Variants in NKAIN2 observed in about 807,000 individuals in gnomAD.
NKAIN2 encodes sodium/potassium transporting ATPase interacting 2, also known as sodium/potassium-transporting ATPase subunit beta-1-interacting protein 2.
NKAIN2 carries 14 observed loss-of-function variants against 32.6 expected under a neutral mutation model. The ratio of observed to expected loss-of-function variants is 0.43; its 90% CI spans 0.28 to 0.67. NKAIN2 has a LOEUF of 0.67. Ranked by LOEUF, NKAIN2 falls within the 30% of genes least tolerant of loss-of-function variation. The pLI, the probability that NKAIN2 is intolerant of heterozygous loss-of-function variation, is 0.17. For missense variants in NKAIN2, 198 were observed against 258.3 expected (o/e 0.77, Z 1.60); for synonymous variants, 80 against 87.2 (o/e 0.92, Z 0.46).
intron 1 of NKAIN2, among the ~76,000 whole-genome samples, chr6:124,077,155 G>T (rs750209961): frequency 6.6e-6 from 1 of 152,160 alleles, no homozygotes. Context: ...ATCAGTTACT[G>T]TTTTGTGCTG....
chr6:124,259,962 AT>A (rs2114838774), intron 1 of NKAIN2, among the ~76,000 whole-genome samples: 1 of 152,332 alleles, frequency 6.6e-6, no homozygotes, highest in African/African-American at 2.4e-5. Flanking sequence ...AATGATTAAT[AT>A]TCTTTATTGA....
intron 3 of NKAIN2, among the ~76,000 whole-genome samples, chr6:124,618,592 GGTT>G (rs1198212301): frequency 1.3e-5 from 2 of 152,156 alleles, no homozygotes; most frequent in African/African-American, 4.8e-5. Context: ...TGCTTTGTAA[GGTT>G]GTTCTCCAAA....
chr6:124,238,187 G>A (rs1259079982), intron 1 of NKAIN2, among the ~76,000 whole-genome samples: 2 of 152,028 alleles, frequency 1.3e-5, no homozygotes, highest in Non-Finnish European at 2.9e-5. Flanking sequence ...AGAAAAACAG[G>A]AAGGAGCAGG....
intron 3 of NKAIN2, among the ~76,000 whole-genome samples, chr6:124,533,051 A>G (rs1442934284): frequency 3.3e-5 from 5 of 152,010 alleles, no homozygotes; most frequent in African/African-American, 9.7e-5. Context: ...GTTTTGATGT[A>G]GGTGTTTTCT....
At chr6:124,643,845 C>G (rs1383605601) in intron 3 of NKAIN2, among the ~76,000 whole-genome samples, 3 of 152,180 alleles carry the variant, frequency 2.0e-5, no homozygotes, top group African/African-American at 4.8e-5. Flanking sequence ...AATTGCAACT[C>G]TCACACTCCA....
chr6:123,992,012 A>G (rs1779434656), intron 1 of NKAIN2, among the ~76,000 whole-genome samples: 1 of 152,146 alleles, frequency 6.6e-6, no homozygotes, highest in African/African-American at 2.4e-5. Context: ...TTTTGTTCTT[A>G]TATGTGATAT....
chr6:124,298,130 A>G (rs1472534213), intron 2 of NKAIN2, among the ~76,000 whole-genome samples: 1 of 152,200 alleles, frequency 6.6e-6, no homozygotes, highest in Non-Finnish European at 1.5e-5. Flanking sequence ...CTCAATAGCA[A>G]TAACACCTCA....
intron 1 of NKAIN2, among the ~76,000 whole-genome samples, chr6:124,147,937 C>T (rs999166833): frequency 1.8e-4 from 27 of 152,194 alleles, no homozygotes; most frequent in African/African-American, 6.3e-4. Context: ...ATCTTAAAAA[C>T]GCGTAGTCCT....
chr6:124,050,766 G>C (rs1233979232), intron 1 of NKAIN2, among the ~76,000 whole-genome samples: 2 of 152,020 alleles, frequency 1.3e-5, no homozygotes, highest in African/African-American at 4.8e-5. Context: ...ATGTAATTCA[G>C]TTGAAAGCAT....
intron 1 of NKAIN2, among the ~76,000 whole-genome samples, chr6:124,274,139 G>A (rs891700891): frequency 1.3e-5 from 2 of 152,120 alleles, no homozygotes; most frequent in Non-Finnish European, 2.9e-5. Flanking sequence ...CCAGATAAAT[G>A]TCATTTTTGT....
At chr6:124,054,309 T>C (rs1167839005) in intron 1 of NKAIN2, among the ~76,000 whole-genome samples, 1 of 151,998 alleles carries the variant, frequency 6.6e-6, no homozygotes, top group Non-Finnish European at 1.5e-5. Context: ...CCTGACAGTG[T>C]AAAATAGGAC....
chr6:124,463,268 T>C (rs1219441652), intron 3 of NKAIN2, among the ~76,000 whole-genome samples: 1 of 152,034 alleles, frequency 6.6e-6, no homozygotes, highest in Non-Finnish European at 1.5e-5. Flanking sequence ...AAAGAGAACA[T>C]TTAATTATTG....
intron 3 of NKAIN2, among the ~76,000 whole-genome samples, chr6:124,435,405 C>G (rs948610937): frequency 6.6e-6 from 1 of 152,144 alleles, no homozygotes; most frequent in Non-Finnish European, 1.5e-5. Context: ...GTATTCTCCG[C>G]AACCATCATA....
At chr6:123,843,050 G>A (rs1008109026) in intron 1 of NKAIN2, among the ~76,000 whole-genome samples, 12 of 152,124 alleles carry the variant, frequency 7.9e-5, no homozygotes, top group South Asian at 4.1e-4. Flanking sequence ...ACCCTGTACC[G>A]GCCTGCGACA....
At position 124,263,028 on chromosome 6, in the gene NKAIN2, C is replaced by G. The variant is rs151273908; in HGVS notation, c.55-19977C>G. On this transcript the variant is annotated intron_variant, in intron 1 of 6. Transcript: ENST00000368417. ...TATAAAGTTCATGACAAATAGTAAC[C>G]ATTTAGTAAGTGTTGCTTGTTATAA... Among the ~76,000 whole-genome samples the G allele has an allele frequency of 8.1e-4, 123 of 152,160 alleles. 1 individual carries two copies. Among genetic ancestry groups the G allele is most frequent in the Admixed American group, 4.8e-3 (74 of 15,272 alleles).
In NKAIN2 at chr6:124,306,673, C is replaced by T. The variant is rs182274221; in HGVS notation, c.192+23531C>T. On this transcript the variant is annotated intron_variant, in intron 2 of 6. Coordinates refer to ENST00000368417, the MANE Select transcript of NKAIN2 (RefSeq NM_001040214.3). The stretch of plus-strand genomic sequence containing the variant: ...CTAAGACATATATATTCATTTTCCT[C>T]TCTTCTTAAGTAGCATGATAAAAAA... Among the ~76,000 whole-genome samples the T allele has an allele frequency of 1.4e-4, 22 of 152,224 alleles. No homozygotes were observed. In the East Asian group the frequency reaches 3.9e-3, roughly 27 times the overall value.
chr6:124,383,190 G>T (rs9491145), intron 3 of NKAIN2, among the ~76,000 whole-genome samples: 1 of 151,976 alleles, frequency 6.6e-6, no homozygotes, highest in East Asian at 1.9e-4. Flanking sequence ...ATTTTACCTC[G>T]CTAGTGTCTT....
chr6:124,008,173 CG>C (rs1780162163), intron 1 of NKAIN2, among the ~76,000 whole-genome samples: 1 of 152,090 alleles, frequency 6.6e-6, no homozygotes, highest in South Asian at 2.1e-4. Context: ...TCTCCGATCG[CG>C]CTGCTTTGGT....
intron 1 of NKAIN2, among the ~76,000 whole-genome samples, chr6:123,967,147 G>A (rs555958987): frequency 6.6e-6 from 1 of 152,138 alleles, no homozygotes; most frequent in African/African-American, 2.4e-5. Flanking sequence ...GAAGCACTGG[G>A]CACTTTCCTT....
Sources: gnomAD v4.1 joint callset for allele counts (sites outside exome capture counted in the v4.1 genomes callset) on GRCh38, gnomAD v4.1.1 for gene constraint, MANE v1.5 for transcripts, NCBI Gene and HGNC (gene_info 2026-07-23, HGNC 2026-07-21) for gene names.